The following EFCAB8 variants were observed in gnomAD, a reference collection of about 807,000 sequenced individuals.
EFCAB8 encodes EF-hand calcium binding domain 8.
EFCAB8 carries 100 observed loss-of-function variants against 116.3 expected under a neutral mutation model. The ratio of observed to expected loss-of-function variants is 0.86; its 90% confidence interval spans 0.73 to 1.02. The LOEUF is 1.02. Among genes scored for constraint, EFCAB8 ranks in the 50% least tolerant of loss-of-function variants. The probability of loss-of-function intolerance (pLI) is 0.00; values close to 1 mark genes in which losing one functional copy is unlikely to be tolerated. For synonymous variants in EFCAB8, 558 were observed against 567.9 expected, an observed-to-expected ratio of 0.98 and a Z score of 0.25; for missense variants, 1,320 against 1,416.9, an observed-to-expected ratio of 0.93 and a Z score of 1.10.
intron 12 of EFCAB8, 100 bp from the exon 13 acceptor site, chr20:32,906,743 C>G (rs1476197132): frequency 1.4e-6 from 1 of 736,094 alleles, no homozygotes; most frequent in African/African-American, 1.7e-5. Flanking sequence ...CTGGCTTCCT[C>G]TCCTGCTGCT....
intron 2 of EFCAB8, among the ~76,000 whole-genome samples, chr20:32,866,239 T>C (rs1047549212): frequency 5.3e-5 from 8 of 152,206 alleles, no homozygotes; most frequent in Admixed American, 4.6e-4. Flanking sequence ...ACATTTGCTC[T>C]TTAGTTGGGG....
intron 23 of EFCAB8, among the ~76,000 whole-genome samples, chr20:32,956,369 G>A (rs1324174583): frequency 6.6e-6 from 1 of 151,868 alleles, no homozygotes; most frequent in Non-Finnish European, 1.5e-5. Context: ...TTGAGTTCTA[G>A]GATTCTGTCT....
At chr20:32,922,098 G>A (rs1037153256) in intron 20 of EFCAB8, among the ~76,000 whole-genome samples, 2 of 152,042 alleles carry the variant, frequency 1.3e-5, no homozygotes, top group Non-Finnish European at 2.9e-5. Flanking sequence ...CAAAGTGCTG[G>A]GATTACAGGC....
chr20:32,949,106 G>A (rs754875751), intron 23 of EFCAB8, among the ~76,000 whole-genome samples: 1 of 152,168 alleles, frequency 6.6e-6, no homozygotes, highest in Non-Finnish European at 1.5e-5. Flanking sequence ...AAAAGAGTTA[G>A]TAAGGAGTTT....
At position 32,878,985 on chromosome 20, in the gene EFCAB8, A is replaced by G. The variant is rs1164600259; in HGVS notation, c.431+178A>G. ...ACCTCACAGCCCTGTAAGTGTTAGG[A>G]CTAAGGTACGTGATTTGTCCCCATT... On this transcript the variant is annotated intron_variant, in intron 5 of 26. Coordinates refer to ENST00000400522, the MANE Select transcript of EFCAB8 (RefSeq NM_001143967.2). Among the ~76,000 whole-genome samples the G allele has an allele frequency of 7.2e-5, 11 of 152,084 alleles. No homozygotes were observed. The East Asian group carries it at 1.9e-3, about 27-fold the overall frequency.
At position 32,911,529 on chromosome 20, in the gene EFCAB8, C is replaced by T. The variant is rs142806963; in HGVS notation, c.1607C>T (p.Thr536Met). 1.5e-3 allele frequency: 2,272 copies of T among 1,517,640 alleles called. 2 individuals are homozygous for T. Among genetic ancestry groups the T allele is most frequent in the Non-Finnish European group, 1.9e-3 (2,131 of 1,127,076 alleles). The allele number at this position is 1,517,640 out of a possible 1,614,324, so 94.0% of individuals were successfully genotyped here. A position where few individuals can be genotyped will look rare whatever the true frequency, so the allele number is the denominator to read the frequency against. Residue 536 changes from threonine to methionine, a missense_variant, in exon 16 of 27, where the codon ACG becomes ATG. By Grantham distance (81) the Thr-to-Met change is moderately conservative. Coordinates refer to ENST00000400522, the MANE Select transcript of EFCAB8 (RefSeq NM_001143967.2). Reference protein sequence around the residue: ...RGTVSVWEVVTGRKTMEFAVS... With the variant: ...RGTVSVWEVVMGRKTMEFAVS... ...ACAGTGAGTGTGTGGGAGGTCGTGACGGGCAGGAAGACGATGGAGTTTGCT... is the reference window on the plus strand; with the variant it reads ...ACAGTGAGTGTGTGGGAGGTCGTGATGGGCAGGAAGACGATGGAGTTTGCT...
intron 5 of EFCAB8, among the ~76,000 whole-genome samples, chr20:32,883,364 T>A (rs1985439105): frequency 6.6e-6 from 1 of 152,192 alleles, no homozygotes; most frequent in Non-Finnish European, 1.5e-5. Flanking sequence ...CAGGCTTTTG[T>A]CGTAAGCCCC....
chr20:32,859,113 G>A (rs1418136397), intron 1 of EFCAB8, 107 bp downstream of exon 1: 5 of 455,644 alleles, frequency 1.1e-5, no homozygotes, highest in African/African-American at 4.0e-5. Context: ...TCTGTGTCCT[G>A]GCTGGCTTTC....
chr20:32,888,231 T>C (rs1348096171), intron 6 of EFCAB8, among the ~76,000 whole-genome samples: 1 of 151,680 alleles, frequency 6.6e-6, no homozygotes, highest in African/African-American at 2.4e-5. Context: ...GTCCAGCTAA[T>C]TTTTTCTTTT....
At chr20:32,929,502 G>GT (rs11483446) in intron 20 of EFCAB8, among the ~76,000 whole-genome samples, 23,921 of 69,936 alleles carry the variant, frequency 0.34, 2,709 homozygotes, top group Middle Eastern at 0.43. Flanking sequence ...CTTCCCTTCT[G>GT]TTTTTTTTTT....
intron 20 of EFCAB8, among the ~76,000 whole-genome samples, chr20:32,925,632 C>G (rs1280431620): frequency 6.6e-6 from 1 of 152,242 alleles, no homozygotes; most frequent in Non-Finnish European, 1.5e-5. Flanking sequence ...GGATTACAGG[C>G]GTGAGCCACG....
intron 17 of EFCAB8, among the ~76,000 whole-genome samples, chr20:32,915,380 ATAT>A (rs754531260): frequency 9.2e-5 from 14 of 152,344 alleles, no homozygotes; most frequent in Non-Finnish European, 1.8e-4. Context: ...TAGAACACAA[ATAT>A]AATTCAGCAA....
At chr20:32,881,383 G>A (rs1476099053) in intron 5 of EFCAB8, among the ~76,000 whole-genome samples, 1 of 152,148 alleles carries the variant, frequency 6.6e-6, no homozygotes, top group Non-Finnish European at 1.5e-5. Context: ...TTTTAGTAGA[G>A]ATGGAGTTTC....
chr20:32,867,520 G>A, intron 2 of EFCAB8, 62 bp from the exon 3 acceptor site: 1 of 1,512,422 alleles, frequency 6.6e-7, no homozygotes, highest in East Asian at 2.5e-5. Flanking sequence ...ATCATGTGCT[G>A]AAAATGTTTG....
chr20:32,931,111 A>G (rs759655361), intron 21 of EFCAB8, 67 bp from the exon 22 acceptor site: 4 of 1,339,102 alleles, frequency 3.0e-6, no homozygotes, highest in Non-Finnish European at 4.0e-6. Flanking sequence ...GTCTGGGAGG[A>G]GCCCGCAGAG....
intron 5 of EFCAB8, among the ~76,000 whole-genome samples, chr20:32,879,714 G>A (rs559198090): frequency 2.6e-5 from 4 of 152,272 alleles, no homozygotes; most frequent in Middle Eastern, 3.4e-3. Flanking sequence ...AAGGACGTTA[G>A]TTCAGATTCT....
chr20:32,941,144 C>T (rs147219554), intron 22 of EFCAB8, among the ~76,000 whole-genome samples: 5,240 of 148,916 alleles, frequency 0.035, 669 homozygotes, highest in African/African-American at 0.12. Context: ...CCCAGCTACT[C>T]GGGAGGCTGA....
At chr20:32,960,308 C>A in intron 26 of EFCAB8, 147 bp downstream of exon 26, 1 of 805,330 alleles carries the variant, frequency 1.2e-6, no homozygotes, top group Non-Finnish European at 2.0e-6. Context: ...GGGCCATGGA[C>A]AGGTCTGGGA....
At position 32,898,332 on chromosome 20, in the gene EFCAB8, T is replaced by A. The variant is rs1986263034; in HGVS notation, c.958-161T>A. On this transcript the variant is annotated intron_variant, in intron 10 of 26. Coordinates refer to ENST00000400522, the MANE Select transcript of EFCAB8 (RefSeq NM_001143967.2). ...CCAGTGCTGGTCATAGGACCTGGGC[T>A]AGGATTGCGGGGCCACATCACTTTG... 5.2e-6 allele frequency: 3 copies of A among 574,414 alleles called. No individual in the cohort carries two copies. In the African/African-American group the frequency reaches 5.6e-5, roughly 11 times the overall value. The allele number at this position is 574,414 out of a possible 1,614,324, so 35.6% of individuals were successfully genotyped here.
Sources: gnomAD v4.1 joint callset for allele counts (sites outside exome capture counted in the v4.1 genomes callset) on GRCh38, gnomAD v4.1.1 for gene constraint, MANE v1.5 for transcripts, NCBI Gene and HGNC (gene_info 2026-07-23, HGNC 2026-07-21) for gene names.